The following SMCHD1 variants were observed in gnomAD, a reference collection of about 807,000 sequenced individuals.
SMCHD1 encodes structural maintenance of chromosomes flexible hinge domain-containing protein 1.
Under a neutral mutation model 254.7 loss-of-function variants are expected in SMCHD1, and 78 were observed. The observed-to-expected ratio is 0.31, with a 90% CI of 0.26 to 0.37. SMCHD1 has a LOEUF of 0.37. Ranked by LOEUF, SMCHD1 falls within the 10% of genes least tolerant of loss-of-function variation. The pLI is 1.00. For synonymous variants in SMCHD1, 766 were observed against 794.9 expected (o/e 0.96, Z 0.61); for missense variants, 1,840 against 2,408.1 (o/e 0.76, Z 4.94).
chr18:2,793,991 T>C (rs2076216565), intron 45 of SMCHD1, among the ~76,000 whole-genome samples: 1 of 152,178 alleles, frequency 6.6e-6, no homozygotes, highest in Admixed American at 6.5e-5. Flanking sequence ...ATAAACTACT[T>C]ATATATGTTT....
At chr18:2,746,751 G>A (rs1337638739) in intron 29 of SMCHD1, among the ~76,000 whole-genome samples, 4 of 152,080 alleles carry the variant, frequency 2.6e-5, no homozygotes, top group African/African-American at 9.7e-5. Context: ...TTTTTTTGTA[G>A]TTGTCCTTTA....
chr18:2,675,042 A>C (rs2073708675), intron 5 of SMCHD1, among the ~76,000 whole-genome samples: 1 of 152,182 alleles, frequency 6.6e-6, no homozygotes, highest in African/African-American at 2.4e-5. Context: ...TAGCCTTGCC[A>C]CTTACTAATC....
intron 30 of SMCHD1, among the ~76,000 whole-genome samples, chr18:2,748,552 GC>G (rs2075513134): frequency 6.6e-6 from 1 of 151,698 alleles, no homozygotes; most frequent in African/African-American, 2.4e-5. Context: ...GTGCCATCAT[GC>G]CCAGCTAATT....
intron 47 of SMCHD1, among the ~76,000 whole-genome samples, chr18:2,797,047 G>A (rs1444188342): frequency 6.6e-6 from 1 of 152,122 alleles, no homozygotes; most frequent in African/African-American, 2.4e-5. Context: ...TAATTATTTA[G>A]AAATGTTTAT....
rs1568188092 is a variant in SMCHD1 at position 2,705,677 on chromosome 18, T to TTA, written c.1843-17_1843-16insTA. 49 of 1,225,762 alleles carry TTA rather than the reference T, an allele frequency of 4.0e-5. No individual in the cohort carries two copies. Among genetic ancestry groups the TTA allele is most frequent in the South Asian group, 2.2e-4 (14 of 64,488 alleles). The allele number at this position is 1,225,762 out of a possible 1,614,324, so 75.9% of individuals were successfully genotyped here. On this transcript the variant is annotated splice_polypyrimidine_tract_variant and intron_variant, in intron 13 of 47. Transcript: ENST00000320876. ...TTAATACTGAAGCTTTTTTTTTTTT[T>TTA]AAAAACTAAATATTAGGTCAAGACA... is the stretch of plus-strand genomic sequence containing the variant.
In SMCHD1 at chr18:2,656,235, G is replaced by A. The variant is rs1215654409; in HGVS notation, c.160G>A (p.Ala54Thr). ...PLQVGERSDY[A>T]GFRACVCQTL... Reference sequence around the variant, plus strand: ...GCAGGTCGGGGAGCGCTCGGACTACGCGGGATTTCGCGCGTGTGTGTGTCA... The same window carrying A: ...GCAGGTCGGGGAGCGCTCGGACTACACGGGATTTCGCGCGTGTGTGTGTCA... Residue 54 changes from alanine to threonine, a missense_variant, in exon 1 of 48, where the codon GCG (alanine) becomes ACG (threonine). By Grantham distance (58) the Ala-to-Thr change is moderately conservative. Transcript: ENST00000320876. 7 of 1,502,502 alleles carry A rather than the reference G, an allele frequency of 4.7e-6. No homozygotes were observed. The highest frequency in any genetic ancestry group is 4.4e-6 in the Non-Finnish European group (5 of 1,135,420). The allele number at this position is 1,502,502 out of a possible 1,614,324, so 93.1% of individuals were successfully genotyped here. A position where few individuals can be genotyped will look rare whatever the true frequency, so the allele number is the denominator to read the frequency against.
chr18:2,778,098 A>G (rs1156906950), intron 43 of SMCHD1, 71 bp from the exon 44 acceptor site: 29 of 1,189,744 alleles, frequency 2.4e-5, no homozygotes, highest in Non-Finnish European at 2.9e-5. Context: ...AAGACTTGCA[A>G]TGTGCATTAT....
rs2143815536 is a variant in SMCHD1 at position 2,784,590 on chromosome 18, A to G, written c.5688A>G (p.Pro1896=). The change falls in exon 45 of 48, where the codon CCA becomes CCG. Residue 1896 remains proline (P), a synonymous_variant. Transcript: ENST00000320876. ...GAATGGTATTTGGAGCTCCAGTTCC[A>G]AAACAGTGTCTGATCTTAGGGGAAC... ...LRGMVFGAPV[P]KQCLILGEQI... is the part of the protein sequence containing the mutation. 1.2e-6 allele frequency: 2 copies of G among 1,606,174 alleles called. No homozygotes were observed. Among genetic ancestry groups the G allele is most frequent in the East Asian group, 4.5e-5 (2 of 44,826 alleles).
rs549489029 is a variant in SMCHD1, at chr18:2,712,537, C to T, written c.2260+4617C>T. 3.9e-5 allele frequency among the ~76,000 whole-genome samples: 6 copies of T among 152,210 alleles called. No individual in the cohort carries two copies. The East Asian group carries it at 1.2e-3, about 29-fold the overall frequency. On this transcript the variant is annotated intron_variant, in intron 17 of 47. Coordinates refer to ENST00000320876, the MANE Select transcript of SMCHD1 (RefSeq NM_015295.3). ...ATTTGAAACCCACATAAACAGAGGC[C>T]AACTTTTCATATACACAGGTTCTGC...
At chr18:2,664,359 GT>G (rs144254713) in intron 1 of SMCHD1, among the ~76,000 whole-genome samples, 4 of 148,142 alleles carry the variant, frequency 2.7e-5, no homozygotes, top group Admixed American at 1.4e-4. Flanking sequence ...CATTAAATTT[GT>G]TTTTTTTTTG....
chr18:2,740,939 T>A, intron 28 of SMCHD1, 118 bp downstream of exon 28: 1 of 581,268 alleles, frequency 1.7e-6, no homozygotes, highest in South Asian at 2.6e-5. Flanking sequence ...AATTGAAAAG[T>A]CATAAAAGGC....
chr18:2,798,949 T>C (rs2076310766), intron 47 of SMCHD1, among the ~76,000 whole-genome samples: 1 of 152,202 alleles, frequency 6.6e-6, no homozygotes, highest in Admixed American at 6.5e-5. Flanking sequence ...ACTACAGCGC[T>C]ACTGTGGACA....
At chr18:2,765,147 A>T (rs1259678353) in intron 37 of SMCHD1, among the ~76,000 whole-genome samples, 1 of 152,186 alleles carries the variant, frequency 6.6e-6, no homozygotes, top group Non-Finnish European at 1.5e-5. Flanking sequence ...TCTTAAAAAT[A>T]TTAGTGCTCT....
intron 45 of SMCHD1, among the ~76,000 whole-genome samples, chr18:2,786,731 C>A (rs1219500445): frequency 3.9e-5 from 6 of 152,110 alleles, no homozygotes; most frequent in African/African-American, 1.4e-4. Context: ...TAGAAGATTT[C>A]TTTTTGGCTC....
chr18:2,680,538 G>A (rs1204731739), intron 5 of SMCHD1, among the ~76,000 whole-genome samples: 1 of 152,194 alleles, frequency 6.6e-6, no homozygotes, highest in Non-Finnish European at 1.5e-5. Context: ...CTGTTGCAGA[G>A]TTTACAACTC....
At chr18:2,758,448 G>C (rs1391836640) in intron 34 of SMCHD1, among the ~76,000 whole-genome samples, 1 of 151,944 alleles carries the variant, frequency 6.6e-6, no homozygotes, top group Non-Finnish European at 1.5e-5. Flanking sequence ...CCTTTTTGTT[G>C]TGAATGTTAA....
At chr18:2,780,236 TCTAAA>T (rs2076132502) in intron 44 of SMCHD1, among the ~76,000 whole-genome samples, 2 of 74,760 alleles carry the variant, frequency 2.7e-5, no homozygotes, top group Non-Finnish European at 2.2e-5. Context: ...CAAGACTCTA[TCTAAA>T]AAAAAAAAAA....
chr18:2,772,831 A>T (rs2076006933), intron 41 of SMCHD1, among the ~76,000 whole-genome samples: 1 of 152,276 alleles, frequency 6.6e-6, no homozygotes, highest in Admixed American at 6.5e-5. Context: ...AGAGTTGCAC[A>T]GATAGCAAGT....
chr18:2,661,120 T>C (rs1201617408), intron 1 of SMCHD1, among the ~76,000 whole-genome samples: 1 of 151,644 alleles, frequency 6.6e-6, no homozygotes, highest in Non-Finnish European at 1.5e-5. Context: ...TAAGTGGGAG[T>C]TGAACAATGA....
Sources: allele counts gnomAD v4.1 joint callset (sites outside exome capture counted in the v4.1 genomes callset), GRCh38; gene constraint gnomAD v4.1.1; transcripts MANE v1.5; gene names NCBI Gene and HGNC (gene_info 2026-07-23, HGNC 2026-07-21).